The following EMC2 variants were observed in gnomAD, a reference collection of about 807,000 sequenced individuals.
EMC2 encodes the protein ER membrane protein complex subunit 2.
EMC2 carries 37 observed loss-of-function variants against 51.6 expected under a neutral mutation model. That is an observed-to-expected ratio of 0.72 (90% CI 0.55 to 0.94). The LOEUF is 0.94. Among genes scored for constraint, EMC2 ranks in the 40% least tolerant of loss-of-function variants. The pLI, the probability that EMC2 is intolerant of heterozygous loss-of-function variation, is 0.00. For synonymous variants in EMC2, 131 were observed against 112.4 expected (o/e 1.17, Z -1.04); for missense variants, 359 against 350.9 (o/e 1.02, Z -0.18).
At chr8:108,477,291 A>G (rs953956610) in intron 9 of EMC2, among the ~76,000 whole-genome samples, 1 of 151,990 alleles carries the variant, frequency 6.6e-6, no homozygotes, top group Non-Finnish European at 1.5e-5. Flanking sequence ...CAAATCCCTA[A>G]TACATCAAAT....
At position 108,469,413 on chromosome 8, in the gene EMC2, A is replaced by G. The variant is rs569627799; in HGVS notation, c.364-413A>G. Among the ~76,000 whole-genome samples, 20 of 152,300 alleles carry G rather than the reference A, an allele frequency of 1.3e-4. No homozygotes were observed. In the South Asian group the frequency reaches 1.4e-3, roughly 11 times the overall value. On this transcript the variant is annotated intron_variant, in intron 5 of 10. Transcript: ENST00000220853. ...AAAAGTTGTCAGAAGACATATTTAT[A>G]TAATGATATTCAAAGGCCATGCCAT...
chr8:108,464,589 A>G (rs1303298449), intron 5 of EMC2, among the ~76,000 whole-genome samples: 1 of 152,222 alleles, frequency 6.6e-6, no homozygotes, highest in African/African-American at 2.4e-5. Context: ...AGGGGTTGGT[A>G]CGGAGGACCA....
intron 5 of EMC2, among the ~76,000 whole-genome samples, chr8:108,462,493 G>A (rs548757082): frequency 6.6e-6 from 1 of 152,122 alleles, no homozygotes; most frequent in East Asian, 1.9e-4. Flanking sequence ...TGAATCTTTA[G>A]AGGTGAAATG....
Position 108,486,604 on chromosome 8 carries a change from CA to C in EMC2, c.*11del. On this transcript the variant is annotated 3_prime_UTR_variant, in exon 11 of 11. Transcript: ENST00000220853. ...TGCAGATCACCCAGTCTTAAGGTTT[CA>C]AAAACTCTTTGACATTAGATTTCAC... 3 of 1,581,232 alleles carry C rather than the reference CA, an allele frequency of 1.9e-6. No individual in the cohort carries two copies. Among genetic ancestry groups the C allele is most frequent in the Non-Finnish European group, 2.6e-6 (3 of 1,166,218 alleles).
chr8:108,477,405 A>G (rs1396597875), intron 9 of EMC2, among the ~76,000 whole-genome samples: 1 of 151,984 alleles, frequency 6.6e-6, no homozygotes, highest in Non-Finnish European at 1.5e-5. Context: ...AAAGTCAATT[A>G]ATAAGAGCTG....
At chr8:108,456,332 C>CAAAAAAAAAAA (rs869162246) in intron 5 of EMC2, among the ~76,000 whole-genome samples, 14 of 23,600 alleles carry the variant, frequency 5.9e-4, no homozygotes, top group African/African-American at 2.5e-3. Flanking sequence ...GACTTCGTGT[C>CAAAAAAAAAAA]AAAAAAAAAA....
At chr8:108,466,376 T>C (rs1285533534) in intron 5 of EMC2, among the ~76,000 whole-genome samples, 1 of 152,036 alleles carries the variant, frequency 6.6e-6, no homozygotes, top group Non-Finnish European at 1.5e-5. Context: ...TAACTTGTTT[T>C]TATTTTTAAA....
At chr8:108,445,609 A>T (rs938805626) in intron 1 of EMC2, among the ~76,000 whole-genome samples, 1 of 151,822 alleles carries the variant, frequency 6.6e-6, no homozygotes, top group Admixed American at 6.6e-5. Flanking sequence ...GAAAAAAAAA[A>T]CCCAAACAAT....
At chr8:108,453,933 T>C (rs1473699746) in intron 4 of EMC2, among the ~76,000 whole-genome samples, 1 of 152,102 alleles carries the variant, frequency 6.6e-6, no homozygotes, top group Non-Finnish European at 1.5e-5. Flanking sequence ...TTGTTGTGTT[T>C]TTCTTGAGAA....
At chr8:108,447,324 A>G (rs1379013655) in intron 1 of EMC2, among the ~76,000 whole-genome samples, 3 of 151,566 alleles carry the variant, frequency 2.0e-5, no homozygotes, top group African/African-American at 7.3e-5. Flanking sequence ...TGTGTGCATT[A>G]AAATAAATTA....
At chr8:108,469,781 C>T in intron 5 of EMC2, 45 bp from the exon 6 acceptor site, 1 of 1,504,430 alleles carries the variant, frequency 6.6e-7, no homozygotes, top group Non-Finnish European at 9.2e-7. Context: ...TACAAAACCC[C>T]AAGGAATCAT....
intron 5 of EMC2, among the ~76,000 whole-genome samples, chr8:108,457,333 T>C (rs1049107322): frequency 2.1e-4 from 5 of 23,534 alleles, no homozygotes; most frequent in Admixed American, 3.6e-4. Context: ...TGTGTGTGCG[T>C]GTGTGTGTGT....
chr8:108,443,631 C>CA lies in EMC2; in HGVS notation c.-27dup. ...ACGTGACTGCGTCTCCCCGCCCTCT[C>CA]ACCCCGCTGCCTCTAGGTTCTGGGA... On this transcript the variant is annotated 5_prime_UTR_variant, in exon 1 of 11. Coordinates refer to ENST00000220853, the MANE Select transcript of EMC2 (RefSeq NM_014673.5). 1 of 1,600,254 alleles carries CA rather than the reference C, an allele frequency of 6.2e-7. No homozygotes were observed. The highest frequency in any genetic ancestry group is 8.5e-7 in the Non-Finnish European group (1 of 1,173,094).
intron 5 of EMC2, among the ~76,000 whole-genome samples, chr8:108,462,986 G>A (rs892801796): frequency 2.6e-5 from 4 of 152,110 alleles, no homozygotes; most frequent in African/African-American, 7.2e-5. Context: ...ATCTGATAAA[G>A]AGAGGGCAAG....
intron 7 of EMC2, chr8:108,475,003 G>A (rs1280367826): frequency 2.0e-5 from 3 of 151,976 alleles, no homozygotes; most frequent in African/African-American, 7.2e-5. Context: ...ATATCAGGCA[G>A]TAGTGTAAAG....
rs768612753 is a variant in EMC2 at position 108,452,112 on chromosome 8, A to G, written c.220-950A>G. ...ATTTCTAGGACTTCCAAAACTTTGA[A>G]TCCTTCATATGTTGCTGAGAATGTA... On this transcript the variant is annotated intron_variant, in intron 3 of 10. Transcript: ENST00000220853. 2.4e-4 allele frequency among the ~76,000 whole-genome samples: 37 copies of G among 152,336 alleles called. 1 individual carries two copies. The highest frequency in any genetic ancestry group is 9.1e-4 in the Admixed American group (14 of 15,302).
intron 5 of EMC2, among the ~76,000 whole-genome samples, chr8:108,468,957 TACTC>T (rs934280253): frequency 2.6e-5 from 4 of 152,182 alleles, no homozygotes; most frequent in Non-Finnish European, 5.9e-5. Flanking sequence ...AATGTCTACT[TACTC>T]TTTGTTTCAG....
chr8:108,460,008 T>C (rs899730866), intron 5 of EMC2, among the ~76,000 whole-genome samples: 6 of 152,154 alleles, frequency 3.9e-5, no homozygotes, highest in Non-Finnish European at 8.8e-5. Flanking sequence ...AAAGCACCCA[T>C]TTTTTTCTGA....
chr8:108,455,786 A>T, intron 4 of EMC2, 87 bp from the exon 5 acceptor site: 1 of 531,512 alleles, frequency 1.9e-6, no homozygotes, highest in South Asian at 2.3e-5. Context: ...AAAATATTAA[A>T]GCCAGTTTAA....
Sources: gnomAD v4.1 joint callset for allele counts (sites outside exome capture counted in the v4.1 genomes callset) on GRCh38, gnomAD v4.1.1 for gene constraint, MANE v1.5 for transcripts, NCBI Gene and HGNC (gene_info 2026-07-23, HGNC 2026-07-21) for gene names.